The following WDR35 variants were observed in gnomAD, a reference collection of about 807,000 sequenced individuals.
WDR35 encodes WD repeat-containing protein 35.
Under a neutral mutation model 158.3 loss-of-function variants are expected in WDR35, and 118 were observed. The observed-to-expected ratio is 0.75, with a 90% CI of 0.64 to 0.87. WDR35 has a LOEUF of 0.87. Among genes scored for constraint, WDR35 ranks in the 40% least tolerant of loss-of-function variants. The probability of loss-of-function intolerance (pLI) is 0.00; values close to 1 mark genes in which losing one functional copy is unlikely to be tolerated. For missense variants in WDR35, 1,263 were observed against 1,405.8 expected (o/e 0.90, Z 1.62); for synonymous variants, 448 against 476.1 (o/e 0.94, Z 0.77).
At chr2:19,958,702 T>C (rs1256192589) in intron 11 of WDR35, among the ~76,000 whole-genome samples, 1 of 152,184 alleles carries the variant, frequency 6.6e-6, no homozygotes, top group Non-Finnish European at 1.5e-5. Flanking sequence ...CGTAGATCTT[T>C]AAGAAGTTCA....
chr2:19,977,640 G>GT (rs1672253846), intron 5 of WDR35, among the ~76,000 whole-genome samples: 1 of 151,908 alleles, frequency 6.6e-6, no homozygotes, highest in Non-Finnish European at 1.5e-5. Context: ...GCACAGAGAT[G>GT]TTTCTAAAGA....
intron 25 of WDR35, among the ~76,000 whole-genome samples, chr2:19,925,238 A>G (rs1670319415): frequency 6.6e-6 from 1 of 152,246 alleles, no homozygotes; most frequent in African/African-American, 2.4e-5. Context: ...AAATACATAC[A>G]GGAGTCATGG....
chr2:19,989,974 G>GC lies in WDR35; in HGVS notation c.24+17dup, dbSNP rs762015573. 20 of 1,613,462 alleles carry GC rather than the reference G, an allele frequency of 1.2e-5. No homozygotes were observed. Among genetic ancestry groups the GC allele is most frequent in the African/African-American group, 9.3e-5 (7 of 74,924 alleles). On this transcript the variant is annotated intron_variant, in intron 1 of 26. Coordinates refer to ENST00000281405, the MANE Select transcript of WDR35 (RefSeq NM_020779.4). ...GCGGGAATGGCGGAGAAACGAGGAC[G>GC]CCCCCCAGGAAACTCACTTTCTTGC...
intron 3 of WDR35, among the ~76,000 whole-genome samples, chr2:19,981,649 T>A (rs1672385362): frequency 6.6e-6 from 1 of 152,096 alleles, no homozygotes; most frequent in Non-Finnish European, 1.5e-5. Flanking sequence ...TCCTGAGTAC[T>A]GGGGACTACG....
intron 11 of WDR35, among the ~76,000 whole-genome samples, chr2:19,954,212 A>G (rs957734954): frequency 6.6e-6 from 1 of 152,244 alleles, no homozygotes; most frequent in African/African-American, 2.4e-5. Flanking sequence ...CTAAAACCAT[A>G]AACACTTAAA....
At chr2:19,920,937 C>G (rs1446845068) in intron 25 of WDR35, among the ~76,000 whole-genome samples, 2 of 152,144 alleles carry the variant, frequency 1.3e-5, no homozygotes, top group Non-Finnish European at 1.5e-5. Context: ...ACACCAAAAA[C>G]AGCCAAACAG....
At chr2:19,916,931 A>G (rs1670008149) in intron 25 of WDR35, among the ~76,000 whole-genome samples, 1 of 152,174 alleles carries the variant, frequency 6.6e-6, no homozygotes, top group Non-Finnish European at 1.5e-5. Context: ...TATCCTGACT[A>G]GGAAACACCT....
intron 10 of WDR35, 80 bp from the exon 11 acceptor site, chr2:19,960,694 T>G: frequency 9.1e-7 from 1 of 1,103,134 alleles, no homozygotes; most frequent in Non-Finnish European, 1.3e-6. Flanking sequence ...ATATCATGCT[T>G]ATCTCTTTTT....
At position 19,914,174 on chromosome 2, in the gene WDR35, T is replaced by C. The variant is rs1232966564; in HGVS notation, c.3225A>G (p.Lys1075=). The C allele has an allele frequency of 6.2e-7, 1 of 1,614,204 alleles. No homozygotes were observed. Among genetic ancestry groups the C allele is most frequent in the African/African-American group, 1.3e-5 (1 of 75,070 alleles). ...CTAAAGATTTAAGTTTAATGAAAGC[T>C]TTTGAACAAGTCCCAAAGGCTCTGC... ...CASRAFGTCS[K]AFIKLKSLET... Residue 1075 remains lysine (K), a synonymous_variant, in exon 26 of 27, where the codon AAA becomes AAG. Transcript: ENST00000281405.
chr2:19,940,469 G>C (rs1670836790), intron 17 of WDR35, among the ~76,000 whole-genome samples: 1 of 152,194 alleles, frequency 6.6e-6, no homozygotes, highest in South Asian at 2.1e-4. Flanking sequence ...AAGTTCATTA[G>C]TTTTACAAGT....
chr2:19,969,090 T>C (rs1671948598), intron 9 of WDR35, among the ~76,000 whole-genome samples: 1 of 152,216 alleles, frequency 6.6e-6, no homozygotes, highest in South Asian at 2.1e-4. Context: ...GCCACAGCTC[T>C]TGTGGGTTCC....
In WDR35 at chr2:19,931,309, T is replaced by A; in HGVS notation, c.2924A>T (p.Lys975Met). The part of the protein sequence containing the change: ...LLIEQYHEQM[K>M]NAQRGKVKGK... The stretch of plus-strand genomic sequence containing the variant: ...TTTAACTTTTCCTCGCTGGGCATTC[T>A]TCATCTGTTCATGGTATTGCTCTAT... The change falls in exon 24 of 27, where the codon AAG becomes ATG. Residue 975 changes from lysine (K) to methionine (M), a missense_variant. Physicochemically the swap from Lys to Met is moderately conservative, Grantham distance 95 (BLOSUM62 -1). Transcript: ENST00000281405. 1 of 1,613,512 alleles carries A rather than the reference T, an allele frequency of 6.2e-7. No homozygotes were observed.
intron 13 of WDR35, among the ~76,000 whole-genome samples, chr2:19,949,364 G>A (rs1257864324): frequency 6.6e-6 from 1 of 152,082 alleles, no homozygotes; most frequent in Non-Finnish European, 1.5e-5. Flanking sequence ...GGGGAGGGGA[G>A]GAACTATATG....
At chr2:19,924,468 G>T (rs1333129337) in intron 25 of WDR35, among the ~76,000 whole-genome samples, 2 of 152,180 alleles carry the variant, frequency 1.3e-5, no homozygotes, top group Non-Finnish European at 2.9e-5. Context: ...GGAGGCTGAG[G>T]CAGGAGAATG....
intron 8 of WDR35, 33 bp from the exon 9 acceptor site, chr2:19,969,638 T>TA (rs1375811732): frequency 6.2e-7 from 1 of 1,605,160 alleles, no homozygotes; most frequent in Admixed American, 1.7e-5. Flanking sequence ...ACCTAAAGTA[T>TA]AACAATTAAC....
chr2:19,969,817 G>A (rs557949529), intron 8 of WDR35, among the ~76,000 whole-genome samples: 1 of 149,756 alleles, frequency 6.7e-6, no homozygotes, highest in Non-Finnish European at 1.5e-5. Flanking sequence ...GCGTGATCTC[G>A]GCTCACTGCA....
intron 21 of WDR35, among the ~76,000 whole-genome samples, 194 bp from the exon 22 acceptor site, chr2:19,933,705 T>C (rs1049267834): frequency 6.6e-6 from 1 of 152,174 alleles, no homozygotes; most frequent in African/African-American, 2.4e-5. Flanking sequence ...AATCCAGAGC[T>C]TCACTGGCTC....
At chr2:19,917,238 G>T (rs1288688910) in intron 25 of WDR35, among the ~76,000 whole-genome samples, 1 of 152,164 alleles carries the variant, frequency 6.6e-6, no homozygotes, top group Non-Finnish European at 1.5e-5. Context: ...CCATCCGAAG[G>T]TCACCGACTT....
chr2:19,963,738 A>G (rs2103440230), intron 10 of WDR35, among the ~76,000 whole-genome samples: 1 of 151,554 alleles, frequency 6.6e-6, no homozygotes, highest in Non-Finnish European at 1.5e-5. Context: ...TTATTTATTT[A>G]TTTATTTATT....
Sources: allele counts gnomAD v4.1 joint callset (sites outside exome capture counted in the v4.1 genomes callset), GRCh38; gene constraint gnomAD v4.1.1; transcripts MANE v1.5; gene names NCBI Gene and HGNC (gene_info 2026-07-23, HGNC 2026-07-21).